The following GPR15LG variants were observed in gnomAD, a reference collection of about 807,000 sequenced individuals.
GPR15LG encodes the protein protein GPR15LG.
chr10:84,180,455 C>G, the GPR15LG span, among the ~76,000 whole-genome samples: 1 of 150,700 alleles, frequency 6.6e-6, no homozygotes, highest in African/African-American at 2.4e-5. Flanking sequence ...GACGGGGTCG[C>G]GGCCGGGCAG....
At chr10:84,180,815 GA>G in the GPR15LG span, among the ~76,000 whole-genome samples, 1 of 152,230 alleles carries the variant, frequency 6.6e-6, no homozygotes, top group African/African-American at 2.4e-5. Flanking sequence ...CTGAGTGAAC[GA>G]GACTCCGTCT....
the GPR15LG span, among the ~76,000 whole-genome samples, chr10:84,180,216 G>C: frequency 2.0e-5 from 3 of 152,276 alleles, no homozygotes; most frequent in African/African-American, 7.2e-5. Context: ...TAGATTAACA[G>C]CATCCCAAGG....
the GPR15LG span, chr10:84,185,253 C>G: frequency 3.3e-5 from 6 of 179,298 alleles, no homozygotes; most frequent in African/African-American, 1.4e-4. Flanking sequence ...AGCATCCAAA[C>G]AAACAAGTAA....
chr10:84,182,110 C>T, the GPR15LG span, among the ~76,000 whole-genome samples: 1 of 152,208 alleles, frequency 6.6e-6, no homozygotes, highest in African/African-American at 2.4e-5. Flanking sequence ...AGGGTTGTCT[C>T]TGCCTTCAGG....
At chr10:84,183,530 CTT>C in the GPR15LG span, among the ~76,000 whole-genome samples, 2 of 152,206 alleles carry the variant, frequency 1.3e-5, no homozygotes, top group African/African-American at 2.4e-5. Flanking sequence ...AATTTTTAAA[CTT>C]AAGTCGGAAT....
the GPR15LG span, among the ~76,000 whole-genome samples, chr10:84,181,795 C>T: frequency 6.6e-6 from 1 of 152,204 alleles, no homozygotes; most frequent in Non-Finnish European, 1.5e-5. Context: ...AAGCACTATC[C>T]CCAAGCCCAG....
At chr10:84,180,048 C>G in the GPR15LG span, among the ~76,000 whole-genome samples, 3 of 152,090 alleles carry the variant, frequency 2.0e-5, no homozygotes, top group East Asian at 5.8e-4. Context: ...TGTTTGTGTC[C>G]CTGGGTACTT....
At chr10:84,185,142 T>C in the GPR15LG span, 5 of 1,020,030 alleles carry the variant, frequency 4.9e-6, no homozygotes, top group South Asian at 1.5e-4. Flanking sequence ...CAGAGTCTCC[T>C]CCATCTTCAG....
At chr10:84,178,228 G>A in the GPR15LG span, among the ~76,000 whole-genome samples, 449 of 147,154 alleles carry the variant, frequency 3.1e-3, 2 homozygotes, top group African/African-American at 0.011. Flanking sequence ...CACACACCAC[G>A]CACTATACAT....
the GPR15LG span, among the ~76,000 whole-genome samples, chr10:84,178,198 T>C: frequency 6.8e-5 from 10 of 146,608 alleles, no homozygotes; most frequent in Non-Finnish European, 1.5e-4. Flanking sequence ...CACAGACACA[T>C]ACTACATGCA....
chr10:84,182,519 C>T, the GPR15LG span, among the ~76,000 whole-genome samples: 1 of 152,198 alleles, frequency 6.6e-6, no homozygotes, highest in Non-Finnish European at 1.5e-5. Flanking sequence ...AGAATGGTCT[C>T]GGTTGGAACA....
chr10:84,182,075 C>T, the GPR15LG span, among the ~76,000 whole-genome samples: 1 of 152,200 alleles, frequency 6.6e-6, no homozygotes, highest in Non-Finnish European at 1.5e-5. Flanking sequence ...CTGGAAGGGG[C>T]ACAGAGAGAT....
At chr10:84,182,887 G>A in the GPR15LG span, among the ~76,000 whole-genome samples, 33 of 152,252 alleles carry the variant, frequency 2.2e-4, 1 homozygote, top group Admixed American at 2.2e-3. Flanking sequence ...AGGATCAGGG[G>A]TCAGGAAATC....
chr10:84,177,686 T>C, the GPR15LG span, among the ~76,000 whole-genome samples: 12 of 152,086 alleles, frequency 7.9e-5, no homozygotes, highest in African/African-American at 2.7e-4. Flanking sequence ...CCGGCCAGGA[T>C]AAAAATAACC....
chr10:84,182,693 A>G, the GPR15LG span, among the ~76,000 whole-genome samples: 4 of 152,244 alleles, frequency 2.6e-5, no homozygotes, highest in Non-Finnish European at 5.9e-5. Flanking sequence ...CATTCTGGAC[A>G]AAACAAGTTG....
chr10:84,183,567 G>C, the GPR15LG span, among the ~76,000 whole-genome samples: 1 of 151,910 alleles, frequency 6.6e-6, no homozygotes, highest in Non-Finnish European at 1.5e-5. Context: ...TTGCTGTGCA[G>C]TGTTCATAAC....
At chr10:84,178,915 C>T in the GPR15LG span, among the ~76,000 whole-genome samples, 6 of 152,220 alleles carry the variant, frequency 3.9e-5, no homozygotes, top group African/African-American at 7.2e-5. Context: ...TTGAGACCAC[C>T]GTGGGGAGGT....
chr10:84,181,055 C>T, the GPR15LG span, among the ~76,000 whole-genome samples: 2 of 151,738 alleles, frequency 1.3e-5, no homozygotes, highest in African/African-American at 4.8e-5. Context: ...AGCCTTGGCT[C>T]AGCATCAGAG....
At chr10:84,177,837 G>A in the GPR15LG span, among the ~76,000 whole-genome samples, 1 of 152,140 alleles carries the variant, frequency 6.6e-6, no homozygotes, top group African/African-American at 2.4e-5. Flanking sequence ...AGGTGGAGGC[G>A]AGCCCCAAGA....
Sources: allele counts gnomAD v4.1 joint callset (sites outside exome capture counted in the v4.1 genomes callset), GRCh38; gene constraint gnomAD v4.1.1; transcripts MANE v1.5; gene names NCBI Gene and HGNC (gene_info 2026-07-23, HGNC 2026-07-21).